Variants in CNDP1 observed in about 807,000 individuals in gnomAD.
CNDP1 encodes beta-Ala-His dipeptidase.
CNDP1 carries 44 observed loss-of-function variants against 58.1 expected under a neutral mutation model. The observed-to-expected ratio is 0.76, with a 90% confidence interval of 0.60 to 0.97. The LOEUF (loss-of-function observed/expected upper bound fraction) is 0.97, where lower values mean the gene tolerates loss of function less well. Among genes scored for constraint, CNDP1 ranks in the 50% least tolerant of loss-of-function variants. The pLI, the probability that CNDP1 is intolerant of heterozygous loss-of-function variation, is 0.00. For synonymous variants in CNDP1, 254 were observed against 252.6 expected, an observed-to-expected ratio of 1.01 and a Z score of -0.05; for missense variants, 616 against 655.1, an observed-to-expected ratio of 0.94 and a Z score of 0.65.
chr18:74,571,187 T>C lies in CNDP1; in HGVS notation c.758T>C (p.Val253Ala), dbSNP rs1981469675. The C allele has an allele frequency of 6.2e-7, 1 of 1,606,774 alleles. No homozygotes were observed. Among genetic ancestry groups the C allele is most frequent in the Admixed American group, 1.7e-5 (1 of 59,984 alleles). Reference sequence around the variant, plus strand: ...TCTTACCTTTTATCTACTCTGCAGGTGAAATGCAGAGACCAGGATTTTCAC... The same window carrying C: ...TCTTACCTTTTATCTACTCTGCAGGCGAAATGCAGAGACCAGGATTTTCAC... ...TRGNSYFMVE[V>A]KCRDQDFHSG... Residue 253 changes from valine to alanine, a missense_variant and splice_region_variant, in exon 7 of 12, where the codon GTG (valine) becomes GCG (alanine). By Grantham distance (64) the Val-to-Ala change is moderately conservative. Coordinates refer to ENST00000358821, the MANE Select transcript of CNDP1 (RefSeq NM_032649.6).
rs1173311262 is a variant in CNDP1 at position 74,580,210 on chromosome 18, C to T, written c.1248C>T (p.His416=). The change falls in exon 10 of 12, where the codon CAC becomes CAT. Residue 416 remains histidine, a synonymous_variant. Coordinates refer to ENST00000358821, the MANE Select transcript of CNDP1 (RefSeq NM_032649.6). ...KMVVSMTLGL[H]PWIANIDDTQ... is the part of the protein sequence containing the mutation. ...TTGTTTCCATGACTCTAGGACTACA[C>T]CCGTGGATTGCAAATATTGATGACA... 18 of 1,613,932 alleles carry T rather than the reference C, an allele frequency of 1.1e-5. No homozygotes were observed. The East Asian group carries it at 3.3e-4, about 30-fold the overall frequency.
intron 1 of CNDP1, among the ~76,000 whole-genome samples, chr18:74,550,921 G>A (rs1980889108): frequency 6.6e-6 from 1 of 152,000 alleles, no homozygotes; most frequent in African/African-American, 2.4e-5. Context: ...TTTGCAATGT[G>A]AGAAAGACAT....
rs567536315 is a variant in CNDP1 at position 74,548,451 on chromosome 18, C to T, written c.25-7887C>T. Among the ~76,000 whole-genome samples, 11 of 152,292 alleles carry T rather than the reference C, an allele frequency of 7.2e-5. No individual in the cohort carries two copies. The South Asian group carries it at 2.3e-3, about 32-fold the overall frequency. On this transcript the variant is annotated intron_variant, in intron 1 of 11. Coordinates refer to ENST00000358821, the MANE Select transcript of CNDP1 (RefSeq NM_032649.6). ...AAGCTCCTTGAGGCCTCCCCAGAAG[C>T]TGAGCAGATGCCGGCACCATGCTTA...
chr18:74,560,616 G>T (rs1981164462), intron 3 of CNDP1, among the ~76,000 whole-genome samples: 1 of 152,104 alleles, frequency 6.6e-6, no homozygotes, highest in Non-Finnish European at 1.5e-5. Context: ...GCTGAGATGG[G>T]AGAATCACTT....
chr18:74,578,046 G>A, intron 8 of CNDP1, 117 bp from the exon 9 acceptor site: 1 of 898,554 alleles, frequency 1.1e-6, no homozygotes, highest in East Asian at 2.6e-5. Flanking sequence ...AGCTGAGTAA[G>A]GTGACAGTTA....
intron 1 of CNDP1, 59 bp downstream of exon 1, chr18:74,534,750 C>A (rs191193341): frequency 6.2e-7 from 1 of 1,602,050 alleles, no homozygotes; most frequent in South Asian, 1.1e-5. Context: ...CCATTTGTCC[C>A]GGGAGCATGT....
chr18:74,559,383 C>T lies in CNDP1; in HGVS notation c.214C>T (p.Gln72Ter), dbSNP rs757685857. 4 of 1,613,882 alleles carry T rather than the reference C, an allele frequency of 2.5e-6. No individual in the cohort carries two copies. The highest frequency in any genetic ancestry group is 2.2e-5 in the East Asian group (1 of 44,888). ...DSVQPVPRFRQELFRMMAVAA... is the reference protein window; with the variant it reads ...DSVQPVPRFR ...TGTCCAGCCTGTGCCTCGCTTCAGA[C>T]AAGAGCTCTTCAGAATGATGGCCGT... The change falls in exon 3 of 12, where the codon CAA becomes TAA. Residue 72 changes from glutamine (Q) to a stop codon, truncating the protein, a stop_gained. Transcript: ENST00000358821. LOFTEE classifies it high-confidence loss of function.
chr18:74,549,468 G>C (rs537753827), intron 1 of CNDP1, among the ~76,000 whole-genome samples: 2 of 151,520 alleles, frequency 1.3e-5, no homozygotes, highest in South Asian at 4.2e-4. Context: ...CAAAGAGTGA[G>C]TTTATATAAA....
At chr18:74,560,701 GAA>G (rs796679431) in intron 3 of CNDP1, among the ~76,000 whole-genome samples, 153 bp from the exon 4 acceptor site, 12 of 150,210 alleles carry the variant, frequency 8.0e-5, no homozygotes. Context: ...AAAGAAAAAA[GAA>G]AAAAAAAGTG....
rs74178982 is a variant in CNDP1 at position 74,551,361 on chromosome 18, A to AACACACACACACAC, written c.25-4957_25-4944dup. On this transcript the variant is annotated intron_variant, in intron 1 of 11. Transcript: ENST00000358821. Reference sequence around the variant, plus strand: ...CTAGTTCAAGGTCAAGCACAACTGTAACACACACACACACACACACACACA... The same window carrying AACACACACACACAC: ...CTAGTTCAAGGTCAAGCACAACTGTAACACACACACACACACACACACACACACACACACACACA... Among the ~76,000 whole-genome samples the AACACACACACACAC allele has an allele frequency of 6.0e-3, 893 of 148,056 alleles. 10 individuals are homozygous for AACACACACACACAC. The highest frequency in any genetic ancestry group is 0.02 in the African/African-American group (800 of 39,458).
intron 1 of CNDP1, among the ~76,000 whole-genome samples, chr18:74,544,593 C>G (rs1980708912): frequency 6.6e-6 from 1 of 151,794 alleles, no homozygotes; most frequent in Non-Finnish European, 1.5e-5. Flanking sequence ...TGGCAGATGC[C>G]TGTAATCCCA....
rs1981924644 is a variant in CNDP1, at chr18:74,586,800, A to G, written c.*2238A>G. On this transcript the variant is annotated 3_prime_UTR_variant, in exon 12 of 12. Transcript: ENST00000358821. Reference sequence around the variant, plus strand: ...GATCCAGACCCTACCCTGACGTGGGAGTCAGAAAGGAGTATCTTCCAAGCT... The same window carrying G: ...GATCCAGACCCTACCCTGACGTGGGGGTCAGAAAGGAGTATCTTCCAAGCT... 1 of 152,182 alleles carries G rather than the reference A, an allele frequency of 6.6e-6. No homozygotes were observed. Among genetic ancestry groups the G allele is most frequent in the South Asian group, 2.1e-4 (1 of 4,828 alleles). 9.4% of individuals were successfully genotyped at this position (152,182 alleles called of 1,614,324 possible).
chr18:74,542,983 G>A lies in CNDP1; in HGVS notation c.24+8292G>A, dbSNP rs778765375. Among the ~76,000 whole-genome samples the A allele has an allele frequency of 3.3e-5, 5 of 152,376 alleles. 1 individual carries two copies. The highest frequency in any genetic ancestry group is 2.6e-4 in the Admixed American group (4 of 15,304). ...ATTCAAGTTGAGGCTGCAAGCCAAA[G>A]TTCTGAAGTATGTAAGAAAGACATG... On this transcript the variant is annotated intron_variant, in intron 1 of 11. Coordinates refer to ENST00000358821, the MANE Select transcript of CNDP1 (RefSeq NM_032649.6).
At chr18:74,579,203 G>GCCTTT (rs1468088543) in intron 9 of CNDP1, among the ~76,000 whole-genome samples, 93 of 125,632 alleles carry the variant, frequency 7.4e-4, no homozygotes, top group African/African-American at 2.8e-3. Flanking sequence ...CCCTTCCCTT[G>GCCTTT]CCTTCCCTTC....
At chr18:74,543,108 G>T (rs918430435) in intron 1 of CNDP1, among the ~76,000 whole-genome samples, 1 of 152,230 alleles carries the variant, frequency 6.6e-6, no homozygotes, top group African/African-American at 2.4e-5. Context: ...AACGAAGTAT[G>T]TTTAAATTCT....
In CNDP1 at chr18:74,545,232, C is replaced by T. The variant is rs1457482220; in HGVS notation, c.24+10541C>T. 6.6e-6 allele frequency among the ~76,000 whole-genome samples: 1 copy of T among 152,224 alleles called. No individual in the cohort carries two copies. Among genetic ancestry groups the T allele is most frequent in the Non-Finnish European group, 1.5e-5 (1 of 68,046 alleles). ...CGATGGGAAAGCCCCGCCCTCTCCT[C>T]GAATCTGCCTTGTTCTCGACTTTAC... On this transcript the variant is annotated intron_variant, in intron 1 of 11. Coordinates refer to ENST00000358821, the MANE Select transcript of CNDP1 (RefSeq NM_032649.6). The surrounding 1 kb of genome is among the most constrained non-coding windows in gnomAD (Gnocchi z 4.1).
At chr18:74,543,920 A>T (rs1364565785) in intron 1 of CNDP1, among the ~76,000 whole-genome samples, 1 of 151,992 alleles carries the variant, frequency 6.6e-6, no homozygotes, top group East Asian at 1.9e-4. Context: ...CCCCATCTCT[A>T]AAAAAAATTT....
At chr18:74,566,590 C>G (rs974698025) in intron 5 of CNDP1, among the ~76,000 whole-genome samples, 1 of 152,226 alleles carries the variant, frequency 6.6e-6, no homozygotes. Flanking sequence ...AAACAAGAGT[C>G]ACCTTTTCTC....
chr18:74,575,761 G>C (rs1981616240), intron 7 of CNDP1, among the ~76,000 whole-genome samples: 1 of 150,848 alleles, frequency 6.6e-6, no homozygotes, highest in African/African-American at 2.4e-5. Flanking sequence ...GTGTGAAGGG[G>C]AAGAGAAGTT....
Sources: allele counts gnomAD v4.1 joint callset (sites outside exome capture counted in the v4.1 genomes callset), GRCh38; gene constraint gnomAD v4.1.1; non-coding constraint Gnocchi (gnomAD v3.1); transcripts MANE v1.5; gene names NCBI Gene and HGNC (gene_info 2026-07-23, HGNC 2026-07-21).